RASA1: variants seen among roughly 807,000 people sequenced by gnomAD.
The protein encoded by RASA1 is RAS p21 protein activator 1.
A neutral mutation model predicts 132.2 loss-of-function variants in RASA1; 25 were observed. The observed-to-expected ratio is 0.19, with a 90% confidence interval of 0.14 to 0.26. The LOEUF (loss-of-function observed/expected upper bound fraction) is 0.26, where lower values mean the gene tolerates loss of function less well. Among genes scored for constraint, RASA1 ranks in the 10% least tolerant of loss-of-function variants. The pLI, the probability that RASA1 is intolerant of heterozygous loss-of-function variation, is 1.00. For missense variants in RASA1, 964 were observed against 1,299.2 expected, an observed-to-expected ratio of 0.74 and a Z score of 3.97; for synonymous variants, 477 against 449.9, an observed-to-expected ratio of 1.06 and a Z score of -0.76.
intron 17 of RASA1, among the ~76,000 whole-genome samples, chr5:87,377,950 T>G (rs777276492): frequency 3.0e-4 from 46 of 152,246 alleles, no homozygotes; most frequent in Non-Finnish European, 3.7e-4. Flanking sequence ...CATTAAAATT[T>G]TACTGAAACT....
intron 11 of RASA1, chr5:87,366,303 G>A (rs1211825430): frequency 2.7e-6 from 1 of 363,832 alleles, no homozygotes; most frequent in Admixed American, 3.0e-5. Flanking sequence ...ATATCTGTAA[G>A]ATTGAAGAAA....
chr5:87,391,468 T>G lies in RASA1; in HGVS notation c.*585T>G. On this transcript the variant is annotated 3_prime_UTR_variant, in exon 25 of 25. Coordinates refer to ENST00000274376, the MANE Select transcript of RASA1 (RefSeq NM_002890.3). ...TCTGCTATTTCTCTTGCTGGAACTG[T>G]TGAAAGAAAATATATAGAATGATCT... The G allele has an allele frequency of 4.1e-6, 1 of 241,096 alleles. No individual in the cohort carries two copies. Among genetic ancestry groups the G allele is most frequent in the Non-Finnish European group, 8.2e-6 (1 of 121,694 alleles). The allele number at this position is 241,096 out of a possible 1,614,324, so 14.9% of individuals were successfully genotyped here.
chr5:87,270,392 G>A (rs989030005), intron 1 of RASA1, among the ~76,000 whole-genome samples: 4 of 148,914 alleles, frequency 2.7e-5, no homozygotes, highest in Non-Finnish European at 4.4e-5. Context: ...TTGTTGCCCA[G>A]GCTGGAGTGC....
chr5:87,273,699 T>C (rs1215278850), intron 1 of RASA1, among the ~76,000 whole-genome samples: 1 of 150,910 alleles, frequency 6.6e-6, no homozygotes, highest in Non-Finnish European at 1.5e-5. Context: ...TTTTTCTTTT[T>C]CTTTTTTTTT....
chr5:87,287,177 TATATATATACACACCGTATATACACACC>T (rs1225491058), intron 1 of RASA1, among the ~76,000 whole-genome samples: 3 of 142,248 alleles, frequency 2.1e-5, no homozygotes, highest in Admixed American at 7.1e-5. Flanking sequence ...ATACACACCA[TATATATATACACACCGTATATACACACC>T]ATATATATAC....
intron 11 of RASA1, among the ~76,000 whole-genome samples, chr5:87,367,349 G>A (rs547673124): frequency 2.0e-5 from 3 of 152,162 alleles, no homozygotes; most frequent in Non-Finnish European, 4.4e-5. Flanking sequence ...GCCAGGCATT[G>A]AACATTTCCT....
Position 87,282,547 on chromosome 5 carries a change from C to G in RASA1, c.539+13557C>G, listed in dbSNP as rs953424721. Among the ~76,000 whole-genome samples the G allele has an allele frequency of 5.9e-5, 9 of 152,068 alleles. 1 individual carries two copies. The highest frequency in any genetic ancestry group is 5.2e-4 in the Admixed American group (8 of 15,274). On this transcript the variant is annotated intron_variant, in intron 1 of 24. Coordinates refer to ENST00000274376, the MANE Select transcript of RASA1 (RefSeq NM_002890.3). ...ATATGTCAGGGTTTCTGTGGGTTTA[C>G]CTGTTTGAGATTTGATCACTTCCTG...
intron 1 of RASA1, among the ~76,000 whole-genome samples, chr5:87,316,450 C>A (rs1223776202): frequency 6.6e-6 from 1 of 152,204 alleles, no homozygotes; most frequent in African/African-American, 2.4e-5. Context: ...AAAAATACTT[C>A]ACAACCAAAG....
intron 6 of RASA1, among the ~76,000 whole-genome samples, chr5:87,342,162 CT>C (rs531793273): frequency 1.3e-3 from 186 of 139,720 alleles, no homozygotes; most frequent in Admixed American, 1.6e-3. Flanking sequence ...GTTATTTTTT[CT>C]TTTTTTTTTT....
intron 1 of RASA1, among the ~76,000 whole-genome samples, chr5:87,296,713 A>G (rs1755135814): frequency 2.6e-5 from 4 of 151,988 alleles, no homozygotes; most frequent in Non-Finnish European, 5.9e-5. Context: ...GTTTCTTTCA[A>G]GATTTTTTTC....
intron 1 of RASA1, among the ~76,000 whole-genome samples, chr5:87,296,717 T>A (rs1755136364): frequency 6.6e-6 from 1 of 152,178 alleles, no homozygotes; most frequent in African/African-American, 2.4e-5. Flanking sequence ...CTTTCAAGAT[T>A]TTTTTCTTTG....
At chr5:87,389,323 C>CTCTG in intron 23 of RASA1, 70 bp from the exon 24 acceptor site, 4 of 1,585,396 alleles carry the variant, frequency 2.5e-6, no homozygotes, top group East Asian at 2.3e-5. Flanking sequence ...AAGAGCGAAA[C>CTCTG]TCTGTCTCAA....
intron 1 of RASA1, among the ~76,000 whole-genome samples, chr5:87,308,013 GCTT>G (rs1282551202): frequency 6.6e-6 from 1 of 152,084 alleles, no homozygotes; most frequent in Non-Finnish European, 1.5e-5. Flanking sequence ...TCTTTCCTTA[GCTT>G]CTTATCTGTG....
chr5:87,347,658 A>G (rs1263277647), intron 7 of RASA1, among the ~76,000 whole-genome samples: 1 of 151,994 alleles, frequency 6.6e-6, no homozygotes, highest in East Asian at 1.9e-4. Context: ...AAGATTTGAG[A>G]TAGTTTTTGA....
At chr5:87,287,319 T>C (rs1207220722) in intron 1 of RASA1, among the ~76,000 whole-genome samples, 11 of 145,998 alleles carry the variant, frequency 7.5e-5, no homozygotes, top group East Asian at 2.0e-4. Flanking sequence ...ACCATATATA[T>C]ACACCATATA....
At chr5:87,355,576 T>C (rs1258669575) in intron 9 of RASA1, among the ~76,000 whole-genome samples, 1 of 152,236 alleles carries the variant, frequency 6.6e-6, no homozygotes, top group Non-Finnish European at 1.5e-5. Context: ...AAGGAGATTG[T>C]TGTTTTCATG....
chr5:87,354,269 G>GC, intron 9 of RASA1, among the ~76,000 whole-genome samples: 2 of 152,016 alleles, frequency 1.3e-5, no homozygotes, highest in African/African-American at 4.8e-5. Flanking sequence ...TTCAAAGATA[G>GC]TTTTTTTTAC....
At chr5:87,285,132 A>G (rs545725304) in intron 1 of RASA1, among the ~76,000 whole-genome samples, 109 of 149,858 alleles carry the variant, frequency 7.3e-4, no homozygotes, top group African/African-American at 2.6e-3. Flanking sequence ...CAGTGGTGTG[A>G]TCTCGGCTCA....
intron 4 of RASA1, among the ~76,000 whole-genome samples, chr5:87,336,668 A>C (rs372489732): frequency 2.6e-4 from 40 of 152,226 alleles, no homozygotes; most frequent in African/African-American, 8.7e-4. Flanking sequence ...TTGAAATTAG[A>C]AATATCTCTT....
Sources: allele counts gnomAD v4.1 joint callset (sites outside exome capture counted in the v4.1 genomes callset), GRCh38; gene constraint gnomAD v4.1.1; transcripts MANE v1.5; gene names NCBI Gene and HGNC (gene_info 2026-07-23, HGNC 2026-07-21).